Variants in RUNX1 observed in about 807,000 individuals in gnomAD.
RUNX1 encodes the protein RUNX family transcription factor 1.
A neutral mutation model predicts 42.8 loss-of-function variants in RUNX1; 19 were observed. That is an observed-to-expected ratio of 0.44 (90% confidence interval 0.31 to 0.65). RUNX1 has a LOEUF of 0.65. Among genes scored for constraint, RUNX1 ranks in the 30% least tolerant of loss-of-function variants. RUNX1 has a pLI of 0.07. For missense variants in RUNX1, 528 were observed against 672.0 expected (o/e 0.79, Z 2.37); for synonymous variants, 271 against 289.4 (o/e 0.94, Z 0.64).
At chr21:34,998,986 G>A (rs1234524076) in intron 2 of RUNX1, among the ~76,000 whole-genome samples, 2 of 152,242 alleles carry the variant, frequency 1.3e-5, no homozygotes, top group African/African-American at 2.4e-5. Flanking sequence ...CCACCAATGA[G>A]AGAGTTAATA....
In RUNX1 at chr21:34,909,588, C is replaced by CAAAAAAAAAAAAAAAAAAAAAAAAA. The variant is rs10584066; in HGVS notation, c.59-16626_59-16625insTTTTTTTTTTTTTTTTTTTTTTTTT. The stretch of plus-strand genomic sequence containing the variant: ...TTATACAGACCAGGTCACTGTTCCT[C>CAAAAAAAAAAAAAAAAAAAAAAAAA]AAAAAAAAAAAAAAAAAAAAGATGG... On this transcript the variant is annotated intron_variant, in intron 2 of 8. Transcript: ENST00000675419. Among the ~76,000 whole-genome samples, 58 of 75,020 alleles carry CAAAAAAAAAAAAAAAAAAAAAAAAA rather than the reference C, an allele frequency of 7.7e-4. 6 individuals are homozygous for CAAAAAAAAAAAAAAAAAAAAAAAAA. Among genetic ancestry groups the CAAAAAAAAAAAAAAAAAAAAAAAAA allele is most frequent in the African/African-American group, 3.5e-3 (56 of 16,002 alleles). The allele number at this position is 75,020 out of a possible 152,430, so 49.2% of individuals were successfully genotyped here.
intron 2 of RUNX1, among the ~76,000 whole-genome samples, chr21:34,921,851 C>T (rs2058356709): frequency 6.6e-6 from 1 of 152,032 alleles, no homozygotes; most frequent in East Asian, 1.9e-4. Flanking sequence ...CCAGGCTGGT[C>T]TCGAACTCCT....
At chr21:35,003,949 C>T (rs1217217073) in intron 2 of RUNX1, among the ~76,000 whole-genome samples, 1 of 152,212 alleles carries the variant, frequency 6.6e-6, no homozygotes. Flanking sequence ...AGGCATTTAC[C>T]TTCCAATTCT....
intron 4 of RUNX1, among the ~76,000 whole-genome samples, chr21:34,885,475 C>T (rs1401510443): frequency 8.5e-5 from 13 of 152,096 alleles, no homozygotes; most frequent in Admixed American, 2.6e-4. Flanking sequence ...TCATTTCCAC[C>T]CCCACTAAAA....
At chr21:34,940,084 T>A (rs936805011) in intron 2 of RUNX1, among the ~76,000 whole-genome samples, 19 of 152,190 alleles carry the variant, frequency 1.2e-4, no homozygotes, top group Admixed American at 5.2e-4. Flanking sequence ...AAAATCATGT[T>A]AGTTTTTTCT....
intron 2 of RUNX1, among the ~76,000 whole-genome samples, chr21:34,966,855 G>A (rs1035193888): frequency 3.3e-5 from 5 of 152,220 alleles, no homozygotes; most frequent in Middle Eastern, 3.4e-3. Flanking sequence ...GGCTACAAAC[G>A]AGAGAACTGC....
rs181938879 is a variant in RUNX1 at position 34,959,384 on chromosome 21, A to T, written c.59-66421T>A. On this transcript the variant is annotated intron_variant, in intron 2 of 8. Transcript: ENST00000675419. ...TCAGTTCCTTCACCTCAAAATGGGG[A>T]TAACAATGTATCTACCTCATAGGAT... Among the ~76,000 whole-genome samples the T allele has an allele frequency of 5.7e-3, 871 of 152,272 alleles. 7 individuals carry two copies. Among genetic ancestry groups the T allele is most frequent in the African/African-American group, 0.02 (834 of 41,554 alleles).
chr21:35,000,086 A>G (rs1210237566), intron 2 of RUNX1, among the ~76,000 whole-genome samples: 1 of 152,178 alleles, frequency 6.6e-6, no homozygotes, highest in East Asian at 1.9e-4. Flanking sequence ...CTATGGATAC[A>G]AGGCACTGAA....
intron 2 of RUNX1, among the ~76,000 whole-genome samples, chr21:34,937,085 G>A (rs1357715099): frequency 2.6e-5 from 4 of 152,126 alleles, no homozygotes; most frequent in Non-Finnish European, 4.4e-5. Flanking sequence ...CTGGCCTGAA[G>A]CACGCAAGAT....
At chr21:35,047,351 C>T (rs1006957969) in intron 2 of RUNX1, among the ~76,000 whole-genome samples, 4 of 151,976 alleles carry the variant, frequency 2.6e-5, no homozygotes, top group Admixed American at 6.6e-5. Flanking sequence ...AACCAAACGA[C>T]GCTGCAAGAC....
At chr21:34,910,824 C>G (rs1190446022) in intron 2 of RUNX1, among the ~76,000 whole-genome samples, 1 of 151,980 alleles carries the variant, frequency 6.6e-6, no homozygotes, top group Non-Finnish European at 1.5e-5. Context: ...CTCTGTTGCC[C>G]AGGCTGGAGT....
chr21:35,017,174 G>C (rs1003840581), intron 2 of RUNX1, among the ~76,000 whole-genome samples: 10 of 152,116 alleles, frequency 6.6e-5, no homozygotes, highest in African/African-American at 2.4e-5. Context: ...ACTTTCTTAG[G>C]GTAAGAAATG....
At chr21:34,934,240 A>G (rs1050095703) in intron 2 of RUNX1, among the ~76,000 whole-genome samples, 1 of 151,998 alleles carries the variant, frequency 6.6e-6, no homozygotes, top group African/African-American at 2.4e-5. Flanking sequence ...CCCAAAAAGC[A>G]TATAAGCTTT....
chr21:34,991,716 G>A (rs887460703), intron 2 of RUNX1, among the ~76,000 whole-genome samples: 4 of 152,242 alleles, frequency 2.6e-5, no homozygotes, highest in African/African-American at 9.6e-5. Flanking sequence ...ACTGGGTTGT[G>A]TAGTGTTCCC....
intron 2 of RUNX1, among the ~76,000 whole-genome samples, chr21:35,026,229 C>A (rs2059235358): frequency 6.6e-6 from 1 of 152,220 alleles, no homozygotes; most frequent in African/African-American, 2.4e-5. Context: ...CAAGTACATT[C>A]TTTACCTCGG....
At chr21:34,842,864 C>T (rs1194999480) in intron 6 of RUNX1, among the ~76,000 whole-genome samples, 3 of 152,166 alleles carry the variant, frequency 2.0e-5, no homozygotes, top group Non-Finnish European at 4.4e-5. Flanking sequence ...GTCAGGAGTT[C>T]GAGAGCAGCC....
chr21:34,792,246 G>A lies in RUNX1; in HGVS notation c.1332C>T (p.Pro444=). 1 of 1,539,492 alleles carries A rather than the reference G, an allele frequency of 6.5e-7. No homozygotes were observed. Among genetic ancestry groups the A allele is most frequent in the South Asian group, 1.2e-5 (1 of 84,266 alleles). ...NASTGSALLN[P]SLPNQSDVVE... ...CCACGTCGCTCTGGTTCGGGAGGCT[G>A]GGGTTGAGCAGCGCGGAGCCGGTGG... is the stretch of plus-strand genomic sequence containing the variant. The change falls in exon 9 of 9, where the codon CCC becomes CCT. Residue 444 remains proline, a synonymous_variant. Coordinates refer to ENST00000675419, the MANE Select transcript of RUNX1 (RefSeq NM_001754.5). This position sits in a 1 kb window ranked among gnomAD's most constrained non-coding sequence, Gnocchi z 6.9.
At chr21:35,022,670 G>A (rs551618905) in intron 2 of RUNX1, among the ~76,000 whole-genome samples, 6 of 152,160 alleles carry the variant, frequency 3.9e-5, no homozygotes, top group East Asian at 1.9e-4. Context: ...TGAGGCGGGC[G>A]GATCATCTGA....
rs1555906441 is a variant in RUNX1 at position 34,930,287 on chromosome 21, T to TATAA, written c.59-37325_59-37324insTTAT. Among the ~76,000 whole-genome samples, 30 of 142,948 alleles carry TATAA rather than the reference T, an allele frequency of 2.1e-4. 1 individual carries two copies. The highest frequency in any genetic ancestry group is 7.6e-4 in the African/African-American group (28 of 37,014). 93.8% of individuals were successfully genotyped at this position (142,948 alleles called of 152,430 possible). A position where few individuals can be genotyped will look rare whatever the true frequency, so the allele number is the denominator to read the frequency against. On this transcript the variant is annotated intron_variant, in intron 2 of 8. Transcript: ENST00000675419. ...GTGTGTATGTATATATATATATATA[T>TATAA]ATATAAATAAATAAATAAAATTTTA... is the stretch of plus-strand genomic sequence containing the variant.
Sources: gnomAD v4.1 joint callset for allele counts (sites outside exome capture counted in the v4.1 genomes callset) on GRCh38, gnomAD v4.1.1 for gene constraint, Gnocchi (gnomAD v3.1) non-coding constraint, MANE v1.5 for transcripts, NCBI Gene and HGNC (gene_info 2026-07-23, HGNC 2026-07-21) for gene names.